PHPT1: variants seen among roughly 807,000 people sequenced by gnomAD.
The protein encoded by PHPT1 is phosphohistidine phosphatase 1, also known as 14 kDa phosphohistidine phosphatase.
A neutral mutation model predicts 15.6 loss-of-function variants in PHPT1; 16 were observed. The ratio of observed to expected loss-of-function variants is 1.03; its 90% CI spans 0.70 to 1.56. The LOEUF is 1.56. Among genes scored for constraint, PHPT1 ranks in the 40% most tolerant of loss-of-function variants. PHPT1 has a pLI of 0.00. For missense variants in PHPT1, 228 were observed against 171.0 expected (o/e 1.33, Z -1.86); for synonymous variants, 102 against 68.1 (o/e 1.50, Z -2.45).
chr9:136,849,691 CGGGGCG>C, intron 1 of PHPT1, 101 bp downstream of exon 1: 1 of 12,086 alleles, frequency 8.3e-5, no homozygotes, highest in Non-Finnish European at 1.5e-4. Context: ...GCGGGGCTGG[CGGGGCG>C]GGGGCGGGGC....
intron 1 of PHPT1, chr9:136,849,812 C>G: frequency 1.4e-6 from 1 of 714,090 alleles, no homozygotes. Flanking sequence ...TGACACCCTC[C>G]CCAGCAGTCT....
chr9:136,850,363 G>A, intron 2 of PHPT1: 2 of 859,324 alleles, frequency 2.3e-6, no homozygotes, highest in South Asian at 1.6e-5. Flanking sequence ...AGACATGGCC[G>A]GCTGTCTCCT....
At position 136,850,754 on chromosome 9, in the gene PHPT1, G is replaced by C. The variant is rs1338543554; in HGVS notation, c.286-1G>C. On this transcript the variant is annotated splice_acceptor_variant, in intron 2 of 2. Coordinates refer to ENST00000247665, the MANE Select transcript of PHPT1 (RefSeq NM_014172.6). LOFTEE classifies it high-confidence loss of function. ...GCCAGCAGGCGTCTTCTCTTCTCCAGGCCTATGGTCCTGCCCAGCACGCCA... is the reference window on the plus strand; with the variant it reads ...GCCAGCAGGCGTCTTCTCTTCTCCACGCCTATGGTCCTGCCCAGCACGCCA... 3.7e-6 allele frequency: 6 copies of C among 1,612,432 alleles called. No individual in the cohort carries two copies. The highest frequency in any genetic ancestry group is 1.3e-5 in the African/African-American group (1 of 74,912).
At chr9:136,850,458 G>A in intron 2 of PHPT1, 1 of 1,553,036 alleles carries the variant, frequency 6.4e-7, no homozygotes, top group East Asian at 2.3e-5. Flanking sequence ...CAGTACCTGG[G>A]TGGAGCTCAG....
In PHPT1 at chr9:136,850,741, CTT is replaced by C; in HGVS notation, c.286-13_286-12del. The C allele has an allele frequency of 6.2e-7, 1 of 1,608,728 alleles. No homozygotes were observed. The highest frequency in any genetic ancestry group is 8.5e-7 in the Non-Finnish European group (1 of 1,175,982). On this transcript the variant is annotated splice_polypyrimidine_tract_variant and intron_variant, in intron 2 of 2. Coordinates refer to ENST00000247665, the MANE Select transcript of PHPT1 (RefSeq NM_014172.6). ...GGGTCCAGGTAGTGCCAGCAGGCGT[CTT>C]CTCTTCTCCAGGCCTATGGTCCTGC...
intron 1 of PHPT1, 177 bp downstream of exon 1, chr9:136,849,767 G>C (rs1588386486): frequency 2.6e-6 from 2 of 758,800 alleles, no homozygotes; most frequent in Non-Finnish European, 4.1e-6. Flanking sequence ...TTTGACCCAG[G>C]CTGAGGTCCT....
rs781550423 is a variant in PHPT1 at position 136,849,441 on chromosome 9, C to G, written c.11C>G (p.Ala4Gly). The G allele has an allele frequency of 6.2e-7, 1 of 1,601,968 alleles. No homozygotes were observed. Among genetic ancestry groups the G allele is most frequent in the Non-Finnish European group, 8.5e-7 (1 of 1,173,718 alleles). ...TCCGGGAGGAGGAACATGGCGGTGG[C>G]GGACCTCGCTCTCATTCCTGATGTG... The part of the protein sequence containing the change: MAV[A>G]DLALIPDVDI... Residue 4 changes from alanine to glycine, a missense_variant, in exon 1 of 3, where the codon GCG becomes GGG. Physicochemically the swap from Ala to Gly is moderately conservative, Grantham distance 60. Transcript: ENST00000247665.
In PHPT1 at chr9:136,850,119, C is replaced by T. The variant is rs1269435860; in HGVS notation, c.267C>T (p.His89=). Residue 89 remains histidine, a synonymous_variant, in exon 2 of 3, where the codon CAC becomes CAT. Transcript: ENST00000247665. The part of the protein sequence containing the change: ...ISHQSQDKKI[H]VYGYSMAYGP... ...ACCAGAGTCAGGACAAGAAGATTCA[C>T]GTGTACGGCTATTCCATGGTGAGCC... 7 of 1,613,094 alleles carry T rather than the reference C, an allele frequency of 4.3e-6. No individual in the cohort carries two copies. The Admixed American group carries it at 6.7e-5, about 15-fold the overall frequency.
rs759633133 is a variant in PHPT1, at chr9:136,849,982, G to A, written c.161-31G>A. On this transcript the variant is annotated intron_variant, in intron 1 of 2. Coordinates refer to ENST00000247665, the MANE Select transcript of PHPT1 (RefSeq NM_014172.6). The stretch of plus-strand genomic sequence containing the variant: ...TCCCGCGGCCTCCAAGGGCGGCCAG[G>A]GCACGTCCTGAGGCCGCCCTCCCAT... 3.0e-5 allele frequency: 48 copies of A among 1,597,706 alleles called. 3 individuals carry two copies. The South Asian group carries it at 5.3e-4, about 18-fold the overall frequency.
Position 136,850,783 on chromosome 9 carries a change from C to CAA in PHPT1, c.315_316dup (p.Thr106LysfsTer59), listed in dbSNP as rs759122000. ...TATGGTCCTGCCCAGCACGCCATTT[C>CAA]AACTGAGAAAATCAAAGCCAAGTAC... On this transcript the variant is annotated frameshift_variant, in exon 3 of 3. Transcript: ENST00000247665. LOFTEE classifies it high-confidence loss of function. The CAA allele has an allele frequency of 1.2e-6, 2 of 1,613,268 alleles. No homozygotes were observed. Among genetic ancestry groups the CAA allele is most frequent in the African/African-American group, 2.7e-5 (2 of 75,056 alleles).
rs775549345 is a variant in PHPT1 at position 136,850,100 on chromosome 9, G to A, written c.248G>A (p.Ser83Asn). 1.9e-6 allele frequency: 3 copies of A among 1,613,098 alleles called. No individual in the cohort carries two copies. Among genetic ancestry groups the A allele is most frequent in the African/African-American group, 2.7e-5 (2 of 74,930 alleles). Residue 83 changes from serine (S) to asparagine (N), a missense_variant, in exon 2 of 3, where the codon AGT (serine) becomes AAT (asparagine). Coordinates refer to ENST00000247665, the MANE Select transcript of PHPT1 (RefSeq NM_014172.6). The stretch of plus-strand genomic sequence containing the variant: ...GGCGGCGGGCGCATCTCCCACCAGA[G>A]TCAGGACAAGAAGATTCACGTGTAC... ...CLGGGRISHQSQDKKIHVYGY... is the reference protein window; with the variant it reads ...CLGGGRISHQNQDKKIHVYGY...
At chr9:136,849,989 C>T in intron 1 of PHPT1, 24 bp from the exon 2 acceptor site, 1 of 1,601,508 alleles carries the variant, frequency 6.2e-7, no homozygotes, top group African/African-American at 1.3e-5. Context: ...CAGGGCACGT[C>T]CTGAGGCCGC....
At position 136,849,517 on chromosome 9, in the gene PHPT1, G is replaced by T. The variant is rs139417618; in HGVS notation, c.87G>T (p.Ser29=). 8.6e-5 allele frequency: 138 copies of T among 1,611,502 alleles called. No homozygotes were observed. In the African/African-American group the frequency reaches 1.6e-3, roughly 19 times the overall value. ...AGTATGTGCTGATCCGAGTCCACTCGGCTCCCCGCTCCGGGGCTCCGGCTG... is the reference window on the plus strand; with the variant it reads ...AGTATGTGCTGATCCGAGTCCACTCTGCTCCCCGCTCCGGGGCTCCGGCTG... ...VFKYVLIRVH[S]APRSGAPAAE... The change falls in exon 1 of 3, where the codon TCG becomes TCT. Residue 29 remains serine, a synonymous_variant. Transcript: ENST00000247665.
chr9:136,850,575 G>A (rs771704790), intron 2 of PHPT1, 180 bp from the exon 3 acceptor site: 26 of 1,609,404 alleles, frequency 1.6e-5, no homozygotes, highest in African/African-American at 4.0e-5. Flanking sequence ...GCTTGCCTGT[G>A]GAGGTCGCCT....
At chr9:136,850,312 T>C (rs1848878893) in intron 2 of PHPT1, 175 bp downstream of exon 2, 1 of 882,978 alleles carries the variant, frequency 1.1e-6, no homozygotes, top group East Asian at 2.6e-5. Flanking sequence ...CATTCCCCCA[T>C]GGAGCACACG....
chr9:136,849,790 C>T (rs1246277546), intron 1 of PHPT1, 200 bp downstream of exon 1: 4 of 711,590 alleles, frequency 5.6e-6, no homozygotes, highest in Non-Finnish European at 9.0e-6. Context: ...GCGGGAAGGG[C>T]GTGACACGGC....
rs776270607 is a variant in PHPT1 at position 136,850,738 on chromosome 9, C to A, written c.286-17C>A. The stretch of plus-strand genomic sequence containing the variant: ...GAAGGGTCCAGGTAGTGCCAGCAGG[C>A]GTCTTCTCTTCTCCAGGCCTATGGT... On this transcript the variant is annotated splice_polypyrimidine_tract_variant and intron_variant, in intron 2 of 2. Transcript: ENST00000247665. The A allele has an allele frequency of 6.2e-6, 10 of 1,601,988 alleles. No individual in the cohort carries two copies. The highest frequency in any genetic ancestry group is 1.7e-4 in the Middle Eastern group (1 of 6,040).
chr9:136,850,424 G>A, intron 2 of PHPT1: 1 of 1,285,986 alleles, frequency 7.8e-7, no homozygotes, highest in Non-Finnish European at 1.1e-6. Context: ...CCAGCACTTT[G>A]GGCCCTGGGC....
chr9:136,850,199 A>G (rs773605719), intron 2 of PHPT1, 62 bp downstream of exon 2: 43 of 1,606,856 alleles, frequency 2.7e-5, no homozygotes, highest in Middle Eastern at 3.3e-4. Context: ...GGCCCACCTG[A>G]GCCTGCTGCC....
Sources: allele counts gnomAD v4.1 joint callset, GRCh38; gene constraint gnomAD v4.1.1; transcripts MANE v1.5; gene names NCBI Gene and HGNC (gene_info 2026-07-23, HGNC 2026-07-21).